Variants in CNTN5 observed in about 807,000 individuals in gnomAD.
CNTN5 encodes the protein contactin 5.
Under a neutral mutation model 129.1 loss-of-function variants are expected in CNTN5, and 77 were observed. That is an observed-to-expected ratio of 0.60 (90% confidence interval 0.50 to 0.72). The LOEUF (loss-of-function observed/expected upper bound fraction) is 0.72, where lower values mean the gene tolerates loss of function less well. CNTN5 is among the 30% of genes least tolerant of loss of function. The probability of loss-of-function intolerance (pLI) is 0.00; values close to 1 mark genes in which losing one functional copy is unlikely to be tolerated. For synonymous variants in CNTN5, 509 were observed against 465.6 expected (o/e 1.09, Z -1.20); for missense variants, 1,478 against 1,328.8 (o/e 1.11, Z -1.75).
At chr11:100,276,701 A>G (rs528414470) in intron 18 of CNTN5, among the ~76,000 whole-genome samples, 8 of 152,200 alleles carry the variant, frequency 5.3e-5, no homozygotes, top group Admixed American at 4.6e-4. Flanking sequence ...GTAGGTATAT[A>G]TATTTTGGGG....
intron 13 of CNTN5, among the ~76,000 whole-genome samples, chr11:100,152,626 G>A (rs1426635451): frequency 6.6e-6 from 1 of 151,950 alleles, no homozygotes; most frequent in Non-Finnish European, 1.5e-5. Context: ...TTCCCCAAAC[G>A]AAAACTGCAT....
chr11:100,014,844 C>G (rs1940739006), intron 9 of CNTN5, among the ~76,000 whole-genome samples: 1 of 152,070 alleles, frequency 6.6e-6, no homozygotes, highest in African/African-American at 2.4e-5. Context: ...TCTTCAATAC[C>G]TTGGTCCACA....
At chr11:99,809,304 T>TGAA (rs1277960359) in intron 3 of CNTN5, among the ~76,000 whole-genome samples, 1 of 152,192 alleles carries the variant, frequency 6.6e-6, no homozygotes, top group African/African-American at 2.4e-5. Context: ...TAAGTTTTGT[T>TGAA]GAAATTCCAT....
intron 2 of CNTN5, among the ~76,000 whole-genome samples, chr11:99,345,663 T>A (rs1422969755): frequency 6.6e-6 from 1 of 152,200 alleles, no homozygotes; most frequent in Admixed American, 6.5e-5. Context: ...GTTTTCCATC[T>A]GAGAAGATAT....
intron 9 of CNTN5, among the ~76,000 whole-genome samples, chr11:100,050,644 AGAAAT>A (rs1337503414): frequency 1.3e-5 from 2 of 152,058 alleles, no homozygotes; most frequent in Admixed American, 1.3e-4. Context: ...AATAAAAAAA[AGAAAT>A]GAGAAAAAAA....
intron 2 of CNTN5, among the ~76,000 whole-genome samples, chr11:99,554,546 A>G (rs1456084955): frequency 1.3e-5 from 2 of 152,108 alleles, no homozygotes; most frequent in African/African-American, 4.8e-5. Flanking sequence ...GAATATTTAG[A>G]ACAACAGAGG....
chr11:100,348,491 T>G (rs939463986), intron 23 of CNTN5, among the ~76,000 whole-genome samples: 1 of 152,050 alleles, frequency 6.6e-6, no homozygotes, highest in Non-Finnish European at 1.5e-5. Context: ...CAAATTTTTC[T>G]TCAACTCTAG....
chr11:100,157,086 G>A (rs61908133), intron 13 of CNTN5, among the ~76,000 whole-genome samples: 1 of 151,744 alleles, frequency 6.6e-6, no homozygotes, highest in Admixed American at 6.6e-5. Flanking sequence ...TGTGATATTA[G>A]GGTGTTGATT....
rs560509018 is a variant in CNTN5 at position 99,108,614 on chromosome 11, AC to A, written c.-210+87345del. On this transcript the variant is annotated intron_variant, in intron 1 of 24. Coordinates refer to ENST00000524871, the MANE Select transcript of CNTN5 (RefSeq NM_014361.4). ...AGCATAATATCTAAAATGCCCAAAT[AC>A]AAAATTTTACATAGTATCCAAATAC... 1.7e-3 allele frequency among the ~76,000 whole-genome samples: 265 copies of A among 152,338 alleles called. 2 individuals are homozygous for A. The highest frequency in any genetic ancestry group is 6.1e-3 in the African/African-American group (252 of 41,586).
rs561497946 is a variant in CNTN5, at chr11:99,866,960, T to A, written c.577+21698T>A. ...GGTTATTTGGAATTGTATAGATAGT[T>A]GGAGGTTTTTACAATTTTAGGTGTG... On this transcript the variant is annotated intron_variant, in intron 6 of 24. Transcript: ENST00000524871. 2.0e-5 allele frequency among the ~76,000 whole-genome samples: 3 copies of A among 152,298 alleles called. No individual in the cohort carries two copies. The East Asian group carries it at 5.8e-4, about 29-fold the overall frequency.
At chr11:99,022,573 T>G (rs1862922561) in intron 1 of CNTN5, among the ~76,000 whole-genome samples, 1 of 152,166 alleles carries the variant, frequency 6.6e-6, no homozygotes, top group South Asian at 2.1e-4. Context: ...GGCATAAGTT[T>G]ACTCTGACTC....
At chr11:99,455,990 C>T (rs923223465) in intron 2 of CNTN5, among the ~76,000 whole-genome samples, 34 of 152,234 alleles carry the variant, frequency 2.2e-4, no homozygotes, top group Non-Finnish European at 5.9e-5. Flanking sequence ...CAACCAGGAG[C>T]TCTGTCAACA....
intron 1 of CNTN5, among the ~76,000 whole-genome samples, chr11:99,082,698 G>A (rs1018063775): frequency 6.6e-6 from 1 of 152,108 alleles, no homozygotes; most frequent in African/African-American, 2.4e-5. Flanking sequence ...AAAAGTGAAG[G>A]AAGAAATATA....
intron 17 of CNTN5, among the ~76,000 whole-genome samples, chr11:100,269,526 G>T (rs1950369936): frequency 6.6e-6 from 1 of 152,072 alleles, no homozygotes; most frequent in South Asian, 2.1e-4. Flanking sequence ...AAAAGGGCTG[G>T]TTCTTTTTCT....
intron 3 of CNTN5, among the ~76,000 whole-genome samples, chr11:99,663,428 A>G (rs1415459272): frequency 6.6e-6 from 1 of 152,234 alleles, no homozygotes; most frequent in Non-Finnish European, 1.5e-5. Flanking sequence ...AGATGGTGCC[A>G]CTGCACTCCA....
chr11:100,068,980 GATTA>G (rs1251813459), intron 10 of CNTN5, among the ~76,000 whole-genome samples: 1 of 152,110 alleles, frequency 6.6e-6, no homozygotes, highest in East Asian at 1.9e-4. Flanking sequence ...ATGTTACAGG[GATTA>G]ATTGAGAATT....
chr11:99,082,430 G>A (rs957766066), intron 1 of CNTN5, among the ~76,000 whole-genome samples: 3 of 152,176 alleles, frequency 2.0e-5, no homozygotes, highest in South Asian at 4.1e-4. Context: ...TGATCCGCCC[G>A]CCTCGGCCCT....
intron 1 of CNTN5, among the ~76,000 whole-genome samples, chr11:99,303,460 G>A (rs1343724936): frequency 2.7e-5 from 4 of 150,816 alleles, no homozygotes; most frequent in Non-Finnish European, 5.9e-5. Flanking sequence ...ATGCAAATTA[G>A]AGCAAATGAT....
At chr11:99,674,249 T>C (rs1004370118) in intron 3 of CNTN5, among the ~76,000 whole-genome samples, 2 of 152,124 alleles carry the variant, frequency 1.3e-5, no homozygotes, top group Non-Finnish European at 2.9e-5. Context: ...TGGCTGCATA[T>C]ATGCCTTCTT....
Sources: allele counts gnomAD v4.1 joint callset (sites outside exome capture counted in the v4.1 genomes callset), GRCh38; gene constraint gnomAD v4.1.1; transcripts MANE v1.5; gene names NCBI Gene and HGNC (gene_info 2026-07-23, HGNC 2026-07-21).